The following CEP72 variants were observed in gnomAD, a reference collection of about 807,000 sequenced individuals.
CEP72 encodes the protein centrosomal protein 72, also known as centrosomal protein of 72 kDa.
CEP72 carries 78 observed loss-of-function variants against 65.7 expected under a neutral mutation model. The observed-to-expected ratio is 1.19, with a 90% CI of 0.99 to 1.43. CEP72 has a LOEUF of 1.43. Among genes scored for constraint, CEP72 ranks in the 40% most tolerant of loss-of-function variants. The probability of loss-of-function intolerance (pLI) is 0.00; values close to 1 mark genes in which losing one functional copy is unlikely to be tolerated. For missense variants in CEP72, 914 were observed against 832.9 expected, an observed-to-expected ratio of 1.10 and a Z score of -1.20; for synonymous variants, 358 against 351.7, an observed-to-expected ratio of 1.02 and a Z score of -0.20.
intron 4 of CEP72, among the ~76,000 whole-genome samples, chr5:626,345 C>T (rs1736757410): frequency 6.6e-6 from 1 of 152,244 alleles, no homozygotes; most frequent in Non-Finnish European, 1.5e-5. Context: ...CCAGCGCAGC[C>T]TTGCGCCTGC....
At chr5:620,511 C>T (rs542340681) in intron 3 of CEP72, among the ~76,000 whole-genome samples, 23 of 152,290 alleles carry the variant, frequency 1.5e-4, no homozygotes, top group Middle Eastern at 3.4e-3. Flanking sequence ...AGCACAGCCC[C>T]GGACCAGGCT....
In CEP72 at chr5:640,511, G is replaced by A. The variant is rs142233505; in HGVS notation, c.1446G>A (p.Lys482=). 1.5e-5 allele frequency: 25 copies of A among 1,614,066 alleles called. No individual in the cohort carries two copies. The highest frequency in any genetic ancestry group is 1.6e-4 in the Middle Eastern group (1 of 6,080). ...EDVGSLALES[K]SLQSRLAEQQ... Reference sequence around the variant, plus strand: ...TCGGCTCCCTGGCTCTGGAGAGTAAGTCCCTGCAAAGCCGCCTTGCTGAGC... The same window carrying A: ...TCGGCTCCCTGGCTCTGGAGAGTAAATCCCTGCAAAGCCGCCTTGCTGAGC... The change falls in exon 9 of 12, where the codon AAG becomes AAA. Residue 482 remains lysine, a synonymous_variant. Transcript: ENST00000264935.
chr5:642,906 C>T lies in CEP72; in HGVS notation c.1540-1393C>T, dbSNP rs994641129. On this transcript the variant is annotated intron_variant, in intron 9 of 11. Transcript: ENST00000264935. The stretch of plus-strand genomic sequence containing the variant: ...CTCGGTCACATGAACCTAGACCTTG[C>T]TTCCTTTGGAAGCTGCAGTCGGGTG... 6.1e-6 allele frequency: 6 copies of T among 985,368 alleles called. No individual in the cohort carries two copies. The African/African-American group carries it at 1.0e-4, about 17-fold the overall frequency. The allele number at this position is 985,368 out of a possible 1,614,324, so 61.0% of individuals were successfully genotyped here. A position where few individuals can be genotyped will look rare whatever the true frequency, so the allele number is the denominator to read the frequency against.
chr5:662,637 G>C (rs1421677126), intron 1 of CEP72: 1 of 152,612 alleles, frequency 6.6e-6, no homozygotes, highest in Non-Finnish European at 1.5e-5. Flanking sequence ...ACAGAAAGGA[G>C]AAACGCAGCC....
intron 11 of CEP72, among the ~76,000 whole-genome samples, chr5:649,454 C>T (rs1738761425): frequency 3.4e-5 from 1 of 29,366 alleles, no homozygotes; most frequent in Non-Finnish European, 6.1e-5. Flanking sequence ...GAGGTGTGGA[C>T]TGTGAGGTGT....
intron 1 of CEP72, 41 bp downstream of exon 1, chr5:612,484 G>A (rs1369390210): frequency 2.2e-6 from 3 of 1,368,270 alleles, no homozygotes; most frequent in South Asian, 3.2e-5. Flanking sequence ...GTGAGGTGGC[G>A]GGGGGGTGGG....
chr5:672,362 C>T, the CEP72 span, among the ~76,000 whole-genome samples: 11,127 of 152,324 alleles, frequency 0.073, 588 homozygotes, highest in African/African-American at 0.15. Context: ...AAGCCACCAC[C>T]CAGTATCCAC....
At chr5:631,477 C>T (rs369239999) in intron 4 of CEP72, among the ~76,000 whole-genome samples, 68 of 30,998 alleles carry the variant, frequency 2.2e-3, no homozygotes, top group Non-Finnish European at 2.6e-3. Flanking sequence ...TTCTGTCCAG[C>T]GCCGGGATTT....
In CEP72 at chr5:635,734, C is replaced by T. The variant is rs531808286; in HGVS notation, c.904+150C>T. On this transcript the variant is annotated intron_variant, in intron 6 of 11. Transcript: ENST00000264935. ...TGCCGGCACCTGGTGCTGGTCCTCCCATGGCACAGGCAGAAGCATGGTGCA... is the reference window on the plus strand; with the variant it reads ...TGCCGGCACCTGGTGCTGGTCCTCCTATGGCACAGGCAGAAGCATGGTGCA... 13 of 645,622 alleles carry T rather than the reference C, an allele frequency of 2.0e-5. No individual in the cohort carries two copies. In the South Asian group the frequency reaches 2.4e-4, roughly 12 times the overall value. 40.0% of individuals were successfully genotyped at this position (645,622 alleles called of 1,614,324 possible).
chr5:643,693 C>T (rs1738215931), intron 9 of CEP72: 3 of 982,682 alleles, frequency 3.1e-6, no homozygotes, highest in Non-Finnish European at 3.6e-6. Context: ...CCTGGGGACC[C>T]TGGCCGCAGG....
At chr5:676,218 C>G in the CEP72 span, 1 of 152,272 alleles carries the variant, frequency 6.6e-6, no homozygotes, top group African/African-American at 2.4e-5. Context: ...CACTCAGATG[C>G]GCCGTACACA....
chr5:651,617 G>A (rs1739104076), intron 11 of CEP72, among the ~76,000 whole-genome samples: 1 of 152,012 alleles, frequency 6.6e-6, no homozygotes, highest in South Asian at 2.1e-4. Context: ...GGTGTGAGGG[G>A]ATCTTCAAGG....
chr5:647,657 C>T (rs1738509993), intron 10 of CEP72, 148 bp from the exon 11 acceptor site: 1 of 623,122 alleles, frequency 1.6e-6, no homozygotes, highest in Admixed American at 2.9e-5. Context: ...CTCGCCCTGT[C>T]TTTGAGTCTC....
chr5:624,477 GC>G lies in CEP72; in HGVS notation c.414del (p.Val139Ter). 2.5e-6 allele frequency: 4 copies of G among 1,613,692 alleles called. No homozygotes were observed. The highest frequency in any genetic ancestry group is 1.6e-4 in the Middle Eastern group (1 of 6,062). Reference protein sequence around the residue: ...LLPKLQQLDDRPVRASERKAS... With the variant: ...LLPKLQQLDDXPVRASERKAS... Reference sequence around the variant, plus strand: ...GTGTGGCCTTTTCTTCTAGACGATCGCCCCGTGAGAGCAAGCGAGCGGAAGG... The same window carrying G: ...GTGTGGCCTTTTCTTCTAGACGATCGCCCGTGAGAGCAAGCGAGCGGAAGG... On this transcript the variant is annotated frameshift_variant, in exon 4 of 12. Transcript: ENST00000264935. LOFTEE classifies it high-confidence loss of function. The surrounding 1 kb of genome is among the most constrained non-coding windows in gnomAD (Gnocchi z 4.7).
intron 7 of CEP72, among the ~76,000 whole-genome samples, 190 bp downstream of exon 7, chr5:638,008 C>T (rs1052069560): frequency 4.6e-5 from 7 of 152,040 alleles, no homozygotes; most frequent in Non-Finnish European, 7.4e-5. Context: ...GGGGCTGTTA[C>T]GGCTTTGGCG....
chr5:651,315 T>C (rs1410094839), intron 11 of CEP72, among the ~76,000 whole-genome samples: 9 of 143,960 alleles, frequency 6.3e-5, no homozygotes, highest in Admixed American at 2.8e-4. Flanking sequence ...GAGGTGTGAC[T>C]GTGAGGCGTG....
intron 11 of CEP72, among the ~76,000 whole-genome samples, chr5:650,854 TG>T (rs760721569): frequency 2.8e-3 from 16 of 5,764 alleles, no homozygotes; most frequent in South Asian, 0.012. Context: ...CTGTGAGGCG[TG>T]GACTGTGAGG....
intron 9 of CEP72, chr5:642,706 A>G (rs1235482660): frequency 4.1e-6 from 4 of 985,420 alleles, no homozygotes; most frequent in Non-Finnish European, 4.8e-6. Flanking sequence ...TGTCAGGGTG[A>G]GTGATCCAGA....
Position 623,529 on chromosome 5 carries a change from A to T in CEP72, c.404-942A>T, listed in dbSNP as rs1736535840. Among the ~76,000 whole-genome samples, 1 of 152,106 alleles carries T rather than the reference A, an allele frequency of 6.6e-6. No individual in the cohort carries two copies. The highest frequency in any genetic ancestry group is 1.9e-4 in the East Asian group (1 of 5,180). On this transcript the variant is annotated intron_variant, in intron 3 of 11. Transcript: ENST00000264935. The surrounding 1 kb of genome is among the most constrained non-coding windows in gnomAD (Gnocchi z 5.3). ...TCGGACATGCTGCATTAGAATTTAC[A>T]CAACAGTCCAGAGAAATGTTCTTGG...
Sources: gnomAD v4.1 joint callset for allele counts (sites outside exome capture counted in the v4.1 genomes callset) on GRCh38, gnomAD v4.1.1 for gene constraint, Gnocchi (gnomAD v3.1) non-coding constraint, MANE v1.5 for transcripts, NCBI Gene and HGNC (gene_info 2026-07-23, HGNC 2026-07-21) for gene names.